KLHL1: variants seen among roughly 807,000 people sequenced by gnomAD.
KLHL1 encodes the protein kelch like family member 1, also known as kelch-like protein 1.
KLHL1 carries 47 observed loss-of-function variants against 77.7 expected under a neutral mutation model. The ratio of observed to expected loss-of-function variants is 0.60; its 90% CI spans 0.48 to 0.77. The LOEUF is 0.77. Ranked by LOEUF, KLHL1 falls within the 30% of genes least tolerant of loss-of-function variation. KLHL1 has a pLI of 0.00. For missense variants in KLHL1, 925 were observed against 910.8 expected, an observed-to-expected ratio of 1.02 and a Z score of -0.20; for synonymous variants, 360 against 325.2, an observed-to-expected ratio of 1.11 and a Z score of -1.15.
chr13:69,700,645 C>T lies in KLHL1; in HGVS notation c.*1057G>A, dbSNP rs1354655637. ...AATTGTAATTAAAATTTACATGGGC[C>T]TATTTATTAAGGACATTGTGTAATG... On this transcript the variant is annotated 3_prime_UTR_variant, in exon 11 of 11. Transcript: ENST00000377844. 6.6e-6 allele frequency: 1 copy of T among 152,150 alleles called. No individual in the cohort carries two copies. Among genetic ancestry groups the T allele is most frequent in the African/African-American group, 2.4e-5 (1 of 41,330 alleles). 9.4% of individuals were successfully genotyped at this position (152,150 alleles called of 1,614,324 possible). A position where few individuals can be genotyped will look rare whatever the true frequency, so the allele number is the denominator to read the frequency against.
chr13:69,787,452 G>C (rs1412190854), intron 7 of KLHL1, among the ~76,000 whole-genome samples: 1 of 152,210 alleles, frequency 6.6e-6, no homozygotes, highest in Non-Finnish European at 1.5e-5. Context: ...AAACTGGCTA[G>C]CCATATGTAG....
intron 3 of KLHL1, among the ~76,000 whole-genome samples, chr13:69,944,431 A>T (rs1363154203): frequency 6.6e-6 from 1 of 152,128 alleles, no homozygotes; most frequent in African/African-American, 2.4e-5. Flanking sequence ...TGATTGTGTT[A>T]TGTATTATTT....
intron 1 of KLHL1, among the ~76,000 whole-genome samples, chr13:70,012,511 G>T (rs921132707): frequency 6.6e-6 from 1 of 151,900 alleles, no homozygotes; most frequent in Non-Finnish European, 1.5e-5. Flanking sequence ...GGCTTGTTTG[G>T]CAGTCTTTGA....
At chr13:70,092,153 A>G (rs1472103560) in intron 1 of KLHL1, among the ~76,000 whole-genome samples, 1 of 152,204 alleles carries the variant, frequency 6.6e-6, no homozygotes, top group Non-Finnish European at 1.5e-5. Context: ...AGCCTATGCA[A>G]TTGAGCAGAG....
At chr13:69,828,056 T>G (rs2138090172) in intron 6 of KLHL1, among the ~76,000 whole-genome samples, 1 of 150,354 alleles carries the variant, frequency 6.7e-6, no homozygotes, top group Non-Finnish European at 1.5e-5. Context: ...AGCTCCCACT[T>G]GGATGGACAG....
intron 7 of KLHL1, among the ~76,000 whole-genome samples, chr13:69,791,687 A>G (rs1206167269): frequency 6.6e-6 from 1 of 152,148 alleles, no homozygotes; most frequent in African/African-American, 2.4e-5. Context: ...TGGGAAAGAA[A>G]GGTCTTTTCA....
intron 1 of KLHL1, among the ~76,000 whole-genome samples, chr13:70,099,173 A>G (rs1408774625): frequency 6.6e-6 from 1 of 151,884 alleles, no homozygotes; most frequent in Non-Finnish European, 1.5e-5. Flanking sequence ...ATTTAATAAT[A>G]CAAATTTTTG....
At chr13:70,035,295 C>CA (rs558087052) in intron 1 of KLHL1, among the ~76,000 whole-genome samples, 2 of 151,978 alleles carry the variant, frequency 1.3e-5, no homozygotes, top group Non-Finnish European at 2.9e-5. Flanking sequence ...ATGGATGGAA[C>CA]TGGAGATCAT....
At chr13:69,924,775 G>T (rs955814516) in intron 4 of KLHL1, among the ~76,000 whole-genome samples, 1 of 152,178 alleles carries the variant, frequency 6.6e-6, no homozygotes, top group Non-Finnish European at 1.5e-5. Context: ...AGCTCCCTGA[G>T]CCAGGGCTGT....
At chr13:69,897,575 G>A (rs770495029) in intron 4 of KLHL1, among the ~76,000 whole-genome samples, 1 of 152,122 alleles carries the variant, frequency 6.6e-6, no homozygotes, top group Non-Finnish European at 1.5e-5. Context: ...GAGGGACATT[G>A]GTTCCTTGCT....
At chr13:69,953,511 T>G (rs933695756) in intron 3 of KLHL1, among the ~76,000 whole-genome samples, 1 of 151,168 alleles carries the variant, frequency 6.6e-6, no homozygotes, top group Non-Finnish European at 1.5e-5. Context: ...ATAATAATTT[T>G]GTTGACATGT....
chr13:69,967,841 C>T (rs1359764981), intron 2 of KLHL1, among the ~76,000 whole-genome samples: 57 of 150,332 alleles, frequency 3.8e-4, no homozygotes, highest in Admixed American at 3.7e-3. Flanking sequence ...GCCAAGATCG[C>T]ACCACTGTGC....
intron 1 of KLHL1, among the ~76,000 whole-genome samples, chr13:70,086,538 A>G (rs1390506270): frequency 7.5e-6 from 1 of 133,372 alleles, no homozygotes; most frequent in African/African-American, 2.8e-5. Context: ...CTGCCATTGC[A>G]CTCTAGCCTG....
At chr13:70,006,291 G>C (rs1400254732) in intron 1 of KLHL1, among the ~76,000 whole-genome samples, 2 of 151,806 alleles carry the variant, frequency 1.3e-5, no homozygotes, top group African/African-American at 4.8e-5. Flanking sequence ...TAATCTCATA[G>C]CTTATTCTAT....
In KLHL1 at chr13:69,773,606, C is replaced by A. The variant is rs1213581157; in HGVS notation, c.1639+23132G>T. Among the ~76,000 whole-genome samples, 4 of 151,852 alleles carry A rather than the reference C, an allele frequency of 2.6e-5. No individual in the cohort carries two copies. In the East Asian group the frequency reaches 7.7e-4, roughly 29 times the overall value. The stretch of plus-strand genomic sequence containing the variant: ...AATTTGAAGAGATAATTTCATTGTG[C>A]ACCCTCTAACTCCTACATTATTAGG... On this transcript the variant is annotated intron_variant, in intron 7 of 10. Coordinates refer to ENST00000377844, the MANE Select transcript of KLHL1 (RefSeq NM_020866.3).
At chr13:69,951,526 G>A (rs561730266) in intron 3 of KLHL1, among the ~76,000 whole-genome samples, 293 of 151,502 alleles carry the variant, frequency 1.9e-3, no homozygotes, top group Non-Finnish European at 3.3e-3. Flanking sequence ...ATTTGATGTG[G>A]AAAGAAAAAT....
At chr13:69,845,825 T>A (rs565898619) in intron 5 of KLHL1, among the ~76,000 whole-genome samples, 1 of 151,594 alleles carries the variant, frequency 6.6e-6, no homozygotes, top group African/African-American at 2.4e-5. Context: ...ACTCTGTTTC[T>A]GTTTTAAATT....
chr13:69,981,858 A>C (rs960828009), intron 1 of KLHL1, among the ~76,000 whole-genome samples: 1 of 152,040 alleles, frequency 6.6e-6, no homozygotes, highest in Non-Finnish European at 1.5e-5. Context: ...TGTGACTGTG[A>C]TTCTGAAACT....
chr13:70,034,091 T>A (rs933652195), intron 1 of KLHL1, among the ~76,000 whole-genome samples: 4 of 152,136 alleles, frequency 2.6e-5, no homozygotes, highest in African/African-American at 9.7e-5. Context: ...AAGAATCACC[T>A]CAAGTGCAGC....
Sources: gnomAD v4.1 joint callset for allele counts (sites outside exome capture counted in the v4.1 genomes callset) on GRCh38, gnomAD v4.1.1 for gene constraint, MANE v1.5 for transcripts, NCBI Gene and HGNC (gene_info 2026-07-23, HGNC 2026-07-21) for gene names.